The following MACROD2 variants were observed in gnomAD, a reference collection of about 807,000 sequenced individuals.
MACROD2 encodes the protein ADP-ribose glycohydrolase MACROD2.
A neutral mutation model predicts 70.4 loss-of-function variants in MACROD2; 36 were observed. The ratio of observed to expected loss-of-function variants is 0.51; its 90% CI spans 0.39 to 0.68. The LOEUF is 0.68. Ranked by LOEUF, MACROD2 falls within the 30% of genes least tolerant of loss-of-function variation. The probability of loss-of-function intolerance (pLI) is 0.00; values close to 1 mark genes in which losing one functional copy is unlikely to be tolerated. For missense variants in MACROD2, 496 were observed against 538.4 expected, an observed-to-expected ratio of 0.92 and a Z score of 0.78; for synonymous variants, 172 against 178.8, an observed-to-expected ratio of 0.96 and a Z score of 0.30.
At chr20:15,644,273 A>G (rs2049507301) in intron 8 of MACROD2, among the ~76,000 whole-genome samples, 1 of 152,094 alleles carries the variant, frequency 6.6e-6, no homozygotes, top group African/African-American at 2.4e-5. Context: ...CCAGCATCTA[A>G]ACCTCCCCCA....
intron 9 of MACROD2, among the ~76,000 whole-genome samples, chr20:15,868,591 G>T (rs2064526755): frequency 7.2e-6 from 1 of 139,310 alleles, no homozygotes; most frequent in African/African-American, 2.6e-5. Flanking sequence ...TGCTTCTTGG[G>T]CTAATACTTT....
chr20:15,523,934 G>A (rs938482201), intron 8 of MACROD2, among the ~76,000 whole-genome samples: 9 of 152,024 alleles, frequency 5.9e-5, no homozygotes, highest in East Asian at 3.9e-4. Flanking sequence ...CGTGATCTAG[G>A]TGTTCTCTTG....
chr20:15,825,764 C>T (rs914300277), intron 8 of MACROD2, among the ~76,000 whole-genome samples: 11 of 152,164 alleles, frequency 7.2e-5, no homozygotes, highest in South Asian at 6.2e-4. Context: ...TATTCAGAGA[C>T]GCTGTAGTTC....
intron 5 of MACROD2, among the ~76,000 whole-genome samples, chr20:15,135,349 G>C (rs1395209529): frequency 4.6e-5 from 7 of 151,706 alleles, no homozygotes; most frequent in Non-Finnish European, 7.4e-5. Flanking sequence ...AGCAGCACAT[G>C]AAAAAGCTTA....
At chr20:14,277,771 G>A (rs1242086151) in intron 3 of MACROD2, among the ~76,000 whole-genome samples, 1 of 152,140 alleles carries the variant, frequency 6.6e-6, no homozygotes, top group Admixed American at 6.5e-5. Flanking sequence ...CGAGGTGTGG[G>A]AGGAGGAGGA....
chr20:14,577,794 A>AAGAG (rs1980697589), intron 4 of MACROD2, among the ~76,000 whole-genome samples: 1 of 137,728 alleles, frequency 7.3e-6, no homozygotes, highest in African/African-American at 2.6e-5. Flanking sequence ...AAAGAAAAGG[A>AAGAG]AAGAGAAGAG....
intron 4 of MACROD2, among the ~76,000 whole-genome samples, chr20:14,623,854 C>G (rs1435771140): frequency 6.6e-6 from 1 of 152,214 alleles, no homozygotes; most frequent in Admixed American, 6.5e-5. Flanking sequence ...CTATCACAAA[C>G]TCAACCAGGC....
At chr20:14,973,358 G>A (rs1012849649) in intron 5 of MACROD2, among the ~76,000 whole-genome samples, 29 of 151,704 alleles carry the variant, frequency 1.9e-4, no homozygotes, top group Admixed American at 7.9e-4. Flanking sequence ...GAGTAGCTGG[G>A]ACTGCAGGAG....
chr20:16,002,561 A>G (rs148148955), intron 15 of MACROD2, among the ~76,000 whole-genome samples: 194 of 152,292 alleles, frequency 1.3e-3, no homozygotes, highest in African/African-American at 4.4e-3. Context: ...TGAACATGCT[A>G]TGCTGCTGGC....
intron 4 of MACROD2, among the ~76,000 whole-genome samples, chr20:14,676,158 G>A (rs949386912): frequency 1.3e-5 from 2 of 152,044 alleles, no homozygotes; most frequent in African/African-American, 4.8e-5. Context: ...AAATTAACAA[G>A]GATATTCAGG....
chr20:14,754,611 T>C (rs1600628991), intron 5 of MACROD2, among the ~76,000 whole-genome samples: 2 of 152,106 alleles, frequency 1.3e-5, no homozygotes, highest in South Asian at 4.1e-4. Context: ...AAACTGAAAA[T>C]GGTGTGTAAC....
chr20:15,894,337 A>C (rs946084034), intron 10 of MACROD2, among the ~76,000 whole-genome samples: 2 of 152,224 alleles, frequency 1.3e-5, no homozygotes, highest in African/African-American at 4.8e-5. Flanking sequence ...AGGCCAGAGC[A>C]TCTGGCTGCC....
intron 5 of MACROD2, among the ~76,000 whole-genome samples, chr20:14,788,453 G>A (rs553378287): frequency 1.3e-5 from 2 of 151,714 alleles, no homozygotes; most frequent in Admixed American, 1.3e-4. Context: ...AGGTGTGATG[G>A]TGTGCACCTG....
chr20:15,932,692 A>AC (rs757183599), intron 10 of MACROD2, among the ~76,000 whole-genome samples: 5 of 152,212 alleles, frequency 3.3e-5, no homozygotes, highest in Non-Finnish European at 5.9e-5. Flanking sequence ...AAGAAAAAAG[A>AC]AAGTTTCAGA....
chr20:14,637,746 C>A (rs949295873), intron 4 of MACROD2, among the ~76,000 whole-genome samples: 1 of 152,110 alleles, frequency 6.6e-6, no homozygotes, highest in Non-Finnish European at 1.5e-5. Flanking sequence ...ATGCAGTTTT[C>A]CAACAGTGTG....
At chr20:14,536,573 T>C (rs1460930195) in intron 4 of MACROD2, among the ~76,000 whole-genome samples, 1 of 151,990 alleles carries the variant, frequency 6.6e-6, no homozygotes, top group Non-Finnish European at 1.5e-5. Context: ...GAGGTTATTT[T>C]TATCTTTGAA....
At chr20:14,196,867 T>G (rs1295805829) in intron 3 of MACROD2, among the ~76,000 whole-genome samples, 2 of 152,264 alleles carry the variant, frequency 1.3e-5, no homozygotes, top group African/African-American at 2.4e-5. Flanking sequence ...GAAACTGATT[T>G]GAGTTTCCTA....
chr20:14,013,561 C>T (rs373132829), intron 2 of MACROD2, among the ~76,000 whole-genome samples: 6 of 151,936 alleles, frequency 3.9e-5, no homozygotes, highest in East Asian at 3.9e-4. Context: ...CGTTAGCCAC[C>T]GTGCCCAGCT....
chr20:14,791,518 A>G (rs2072450769), intron 5 of MACROD2, among the ~76,000 whole-genome samples: 1 of 152,046 alleles, frequency 6.6e-6, no homozygotes. Context: ...CCTTTTCTGG[A>G]TATATATATT....
Sources: gnomAD v4.1 joint callset for allele counts (sites outside exome capture counted in the v4.1 genomes callset) on GRCh38, gnomAD v4.1.1 for gene constraint, MANE v1.5 for transcripts, NCBI Gene and HGNC (gene_info 2026-07-23, HGNC 2026-07-21) for gene names.